The following ST7L variants were observed in gnomAD, a reference collection of about 807,000 sequenced individuals.
ST7L encodes the protein suppression of tumorigenicity 7 like, also known as suppressor of tumorigenicity 7 protein-like.
ST7L carries 57 observed loss-of-function variants against 72.5 expected under a neutral mutation model. The ratio of observed to expected loss-of-function variants is 0.79; its 90% CI spans 0.64 to 0.98. The LOEUF (loss-of-function observed/expected upper bound fraction) is 0.98. Among genes scored for constraint, ST7L ranks in the 50% least tolerant of loss-of-function variants. The probability of loss-of-function intolerance (pLI) is 0.00; values close to 1 mark genes in which losing one functional copy is unlikely to be tolerated. For missense variants in ST7L, 576 were observed against 672.2 expected, an observed-to-expected ratio of 0.86 and a Z score of 1.58; for synonymous variants, 221 against 240.9, an observed-to-expected ratio of 0.92 and a Z score of 0.77.
downstream of ST7L, among the ~76,000 whole-genome samples, chr1:112,518,710 G>C (rs545603435): frequency 1.3e-5 from 2 of 152,224 alleles, no homozygotes; most frequent in Admixed American, 1.3e-4. Context: ...AGTTAGGAGG[G>C]AGGATAAGTC....
chr1:112,563,097 T>TATAATAATAATAATAATA (rs146284524), intron 11 of ST7L, among the ~76,000 whole-genome samples: 69 of 149,750 alleles, frequency 4.6e-4, no homozygotes, highest in African/African-American at 1.6e-3. Flanking sequence ...TTACTTTTGT[T>TATAATAATAATAATAATA]ATAATAATAA....
intron 11 of ST7L, among the ~76,000 whole-genome samples, chr1:112,575,695 T>G (rs897530132): frequency 5.3e-5 from 8 of 152,126 alleles, no homozygotes; most frequent in African/African-American, 1.9e-4. Context: ...AACTTATGAA[T>G]TGTTTATTTC....
In ST7L at chr1:112,525,869, A is replaced by T. The variant is rs1653294685; in HGVS notation, c.*144T>A. The T allele has an allele frequency of 1.7e-6, 2 of 1,160,648 alleles. No homozygotes were observed. Among genetic ancestry groups the T allele is most frequent in the African/African-American group, 1.5e-5 (1 of 65,232 alleles). 71.9% of individuals were successfully genotyped at this position (1,160,648 alleles called of 1,614,324 possible). On this transcript the variant is annotated 3_prime_UTR_variant, in exon 15 of 15. Coordinates refer to ENST00000358039, the MANE Select transcript of ST7L (RefSeq NM_017744.5). Reference sequence around the variant, plus strand: ...GGTTTGCCTAGGAATAACAATATTCATAAGAAGCTTTTTCATATGCAAAAT... The same window carrying T: ...GGTTTGCCTAGGAATAACAATATTCTTAAGAAGCTTTTTCATATGCAAAAT...
chr1:112,531,849 T>C (rs1333257036), intron 14 of ST7L, among the ~76,000 whole-genome samples: 1 of 152,238 alleles, frequency 6.6e-6, no homozygotes, highest in African/African-American at 2.4e-5. Context: ...TTGCTGAGGC[T>C]CTTTACAAAT....
rs3736764 is a variant in ST7L, at chr1:112,555,901, C to T, written c.1363G>A (p.Ala455Thr). The T allele has an allele frequency of 2.7e-4, 441 of 1,609,960 alleles. 1 individual carries two copies. In the East Asian group the frequency reaches 6.6e-3, roughly 24 times the overall value. ...CATGTACACTGTAACAGATTAAGAG[C>T]ACCTTCTATTCGTTTCCAGTGCTGA... Reference protein sequence around the residue: ...HLQHWKRIEGALNLLQCTWEG... With the variant: ...HLQHWKRIEGTLNLLQCTWEG... The change falls in exon 12 of 15, where the codon GCT becomes ACT. Residue 455 changes from alanine to threonine, a missense_variant. Transcript: ENST00000358039.
intron 14 of ST7L, among the ~76,000 whole-genome samples, chr1:112,538,837 TA>T (rs1305209277): frequency 1.3e-5 from 2 of 152,226 alleles, no homozygotes; most frequent in Non-Finnish European, 2.9e-5. Flanking sequence ...ACCTAGTTTT[TA>T]CTGTGGGTAG....
chr1:112,613,976 T>C (rs933439558), intron 2 of ST7L, among the ~76,000 whole-genome samples: 1 of 152,168 alleles, frequency 6.6e-6, no homozygotes, highest in Non-Finnish European at 1.5e-5. Flanking sequence ...GCAATCCTCC[T>C]GCCTCAGCCT....
intron 11 of ST7L, among the ~76,000 whole-genome samples, chr1:112,568,726 T>C (rs1319771597): frequency 6.7e-6 from 1 of 149,796 alleles, no homozygotes; most frequent in Non-Finnish European, 1.5e-5. Context: ...AAAACAAATT[T>C]AGGCCAGGCA....
chr1:112,612,709 G>A (rs1323444688), intron 2 of ST7L, among the ~76,000 whole-genome samples: 1 of 151,978 alleles, frequency 6.6e-6, no homozygotes, highest in Non-Finnish European at 1.5e-5. Context: ...ACCAAATGAG[G>A]CCATGGTTTG....
rs1167762865 is a variant in ST7L, at chr1:112,524,490, C to G, written c.*1523G>C. 2 of 152,758 alleles carry G rather than the reference C, an allele frequency of 1.3e-5. No individual in the cohort carries two copies. Among genetic ancestry groups the G allele is most frequent in the Non-Finnish European group, 2.9e-5 (2 of 68,208 alleles). The allele number at this position is 152,758 out of a possible 1,614,324, so 9.5% of individuals were successfully genotyped here. On this transcript the variant is annotated 3_prime_UTR_variant, in exon 15 of 15. Transcript: ENST00000358039. ...GGGCCTTGTGGAGAGAGGTGCCAGA[C>G]ACAGAGTTCTCCGTAAGCAATCCTG...
chr1:112,598,008 G>A lies in ST7L; in HGVS notation c.585C>T (p.Phe195=), dbSNP rs1249322043. The A allele has an allele frequency of 1.2e-6, 2 of 1,613,750 alleles. No homozygotes were observed. Among genetic ancestry groups the A allele is most frequent in the South Asian group, 2.2e-5 (2 of 91,052 alleles). ...NLSAQDHQTF[F]TCDTDFLRPS... is the part of the protein sequence containing the mutation. ...GACGTAAAAAATCTGTGTCACAGGT[G>A]AAAAAGGTCTGATGGTCCTGAGCTG... The change falls in exon 5 of 15, where the codon TTC becomes TTT. Residue 195 remains phenylalanine, a synonymous_variant. Coordinates refer to ENST00000358039, the MANE Select transcript of ST7L (RefSeq NM_017744.5).
downstream of ST7L, among the ~76,000 whole-genome samples, chr1:112,519,872 CTTTTTT>C (rs71081244): frequency 4.3e-5 from 5 of 115,648 alleles, no homozygotes; most frequent in African/African-American, 9.5e-5. Flanking sequence ...GCCCATGCTT[CTTTTTT>C]TTTTTTTTTT....
At chr1:112,618,876 C>A in intron 1 of ST7L, 33 bp downstream of exon 1, 1 of 1,549,322 alleles carries the variant, frequency 6.5e-7, no homozygotes, top group Admixed American at 2.0e-5. Context: ...CTCCTGGCCC[C>A]CCGCCCTGCC....
intron 2 of ST7L, among the ~76,000 whole-genome samples, chr1:112,611,386 A>G (rs1669044770): frequency 6.6e-6 from 1 of 152,246 alleles, no homozygotes; most frequent in Non-Finnish European, 1.5e-5. Context: ...TAGCATCAGC[A>G]TGCCCATGTT....
chr1:112,540,343 T>C (rs1229809238), intron 14 of ST7L: 3 of 985,324 alleles, frequency 3.0e-6, no homozygotes, highest in Non-Finnish European at 3.6e-6. Context: ...TTCTAGGCCA[T>C]TTTTATTCGA....
chr1:112,541,873 GGTT>G, intron 14 of ST7L, 75 bp downstream of exon 14: 1 of 1,565,560 alleles, frequency 6.4e-7, no homozygotes, highest in African/African-American at 1.4e-5. Context: ...TGTTCAGCTG[GGTT>G]AGCACAGGCA....
intron 5 of ST7L, among the ~76,000 whole-genome samples, chr1:112,592,590 A>G (rs992856019): frequency 6.6e-6 from 1 of 152,200 alleles, no homozygotes; most frequent in Non-Finnish European, 1.5e-5. Flanking sequence ...CTGCAACACT[A>G]AATATTACAT....
At chr1:112,591,178 G>A (rs1275239284) in intron 6 of ST7L, among the ~76,000 whole-genome samples, 1 of 152,020 alleles carries the variant, frequency 6.6e-6, no homozygotes, top group Non-Finnish European at 1.5e-5. Context: ...TGATCCGCCT[G>A]CCTCGGCCTC....
At chr1:112,538,262 A>G (rs1655518753) in intron 14 of ST7L, among the ~76,000 whole-genome samples, 1 of 152,234 alleles carries the variant, frequency 6.6e-6, no homozygotes, top group Non-Finnish European at 1.5e-5. Flanking sequence ...TCTGTTCTAC[A>G]AGGTAGTTTG....
Sources: allele counts gnomAD v4.1 joint callset (sites outside exome capture counted in the v4.1 genomes callset), GRCh38; gene constraint gnomAD v4.1.1; transcripts MANE v1.5; gene names NCBI Gene and HGNC (gene_info 2026-07-23, HGNC 2026-07-21).